TNFSF12: variants seen among roughly 807,000 people sequenced by gnomAD.
The protein encoded by TNFSF12 is TNF superfamily member 12, also known as tumor necrosis factor ligand superfamily member 12.
In TNFSF12, 16 loss-of-function variants were observed where a neutral mutation model predicts 31.2. The ratio of observed to expected loss-of-function variants is 0.51; its 90% CI spans 0.35 to 0.78. The LOEUF (loss-of-function observed/expected upper bound fraction) is 0.78. Ranked by LOEUF, TNFSF12 falls within the 30% of genes least tolerant of loss-of-function variation. TNFSF12 has a pLI of 0.01. For synonymous variants in TNFSF12, 150 were observed against 151.4 expected, an observed-to-expected ratio of 0.99 and a Z score of 0.07; for missense variants, 324 against 338.8, an observed-to-expected ratio of 0.96 and a Z score of 0.34.
At position 7,550,831 on chromosome 17, in the gene TNFSF12, G is replaced by A. The variant is rs771643936; in HGVS notation, c.316G>A (p.Ala106Thr). 3 of 1,612,424 alleles carry A rather than the reference G, an allele frequency of 1.9e-6. No homozygotes were observed. Among genetic ancestry groups the A allele is most frequent in the Admixed American group, 1.7e-5 (1 of 59,980 alleles). Reference protein sequence around the residue: ...PKGRKTRARRAIAAHYEVHPR... With the variant: ...PKGRKTRARRTIAAHYEVHPR... ...AGGCCGGAAAACACGGGCTCGAAGA[G>A]CGATCGCAGCCCATTATGAAGGTGG... Residue 106 changes from alanine (A) to threonine (T), a missense_variant, in exon 4 of 7, where the codon GCG becomes ACG. By Grantham distance (58) the Ala-to-Thr change is moderately conservative. Coordinates refer to ENST00000293825, the MANE Select transcript of TNFSF12 (RefSeq NM_003809.3). The surrounding 1 kb of genome is among the most constrained non-coding windows in gnomAD (Gnocchi z 4.4).
At chr17:7,556,003 CAG>C (rs2071061115) in intron 5 of TNFSF12, among the ~76,000 whole-genome samples, 1 of 20,444 alleles carries the variant, frequency 4.9e-5, no homozygotes. Context: ...TTTTTGGAGA[CAG>C]AGTCTAGCTC....
chr17:7,553,705 G>C, intron 5 of TNFSF12: 1 of 1,298,698 alleles, frequency 7.7e-7, no homozygotes, highest in Non-Finnish European at 1.0e-6. Context: ...GAGGTGGCTG[G>C]TGCAGGGGTG....
chr17:7,554,062 T>C (rs1239611486), intron 5 of TNFSF12, among the ~76,000 whole-genome samples: 1 of 152,194 alleles, frequency 6.6e-6, no homozygotes, highest in African/African-American at 2.4e-5. Flanking sequence ...CCCTCCGTGC[T>C]CCTGGGCACA....
At position 7,557,126 on chromosome 17, in the gene TNFSF12, T is replaced by C; in HGVS notation, c.526T>C (p.Tyr176His). ...QVHFDEGKAV[Y>H]LKLDLLVDGV... ...GCACTTTGATGAGGGGAAGGCTGTC[T>C]ACCTGAAGCTGGACTTGCTGGTGGA... is the stretch of plus-strand genomic sequence containing the variant. The change falls in exon 7 of 7, where the codon TAC (tyrosine) becomes CAC (histidine). Residue 176 changes from tyrosine to histidine, a missense_variant. By Grantham distance (83) the Tyr-to-His change is moderately conservative. Coordinates refer to ENST00000293825, the MANE Select transcript of TNFSF12 (RefSeq NM_003809.3). This position sits in a 1 kb window ranked among gnomAD's most constrained non-coding sequence, Gnocchi z 5.2. 1.2e-6 allele frequency: 2 copies of C among 1,613,608 alleles called. No homozygotes were observed. The highest frequency in any genetic ancestry group is 8.5e-7 in the Non-Finnish European group (1 of 1,179,794).
chr17:7,553,846 G>A, intron 5 of TNFSF12: 1 of 1,107,734 alleles, frequency 9.0e-7, no homozygotes, highest in Non-Finnish European at 1.1e-6. Context: ...AGATTTGCTG[G>A]GGGGAGATGA....
At chr17:7,554,838 C>G (rs902565684) in intron 5 of TNFSF12, among the ~76,000 whole-genome samples, 1 of 151,444 alleles carries the variant, frequency 6.6e-6, no homozygotes, top group Non-Finnish European at 1.5e-5. Context: ...AGGAGCGTCT[C>G]GATCTCCTGA....
Position 7,549,375 on chromosome 17 carries a change from TG to T in TNFSF12, c.159+68del. On this transcript the variant is annotated intron_variant, in intron 1 of 6. Transcript: ENST00000293825. The surrounding 1 kb of genome is among the most constrained non-coding windows in gnomAD (Gnocchi z 4.1). ...GGAGCTGAGACTGCAGAGGGGCCGCTGGGGGCCGCGTGGGCTGAAGGCAAGG... is the reference window on the plus strand; with the variant it reads ...GGAGCTGAGACTGCAGAGGGGCCGCTGGGGCCGCGTGGGCTGAAGGCAAGG... The T allele has an allele frequency of 7.1e-7, 1 of 1,411,762 alleles. No individual in the cohort carries two copies. Among genetic ancestry groups the T allele is most frequent in the Non-Finnish European group, 9.3e-7 (1 of 1,069,978 alleles). The allele number at this position is 1,411,762 out of a possible 1,614,324, so 87.5% of individuals were successfully genotyped here. A position where few individuals can be genotyped will look rare whatever the true frequency, so the allele number is the denominator to read the frequency against.
Position 7,550,977 on chromosome 17 carries a change from A to T in TNFSF12, c.372A>T (p.Ala124=). 6.2e-7 allele frequency: 1 copy of T among 1,613,786 alleles called. No individual in the cohort carries two copies. Among genetic ancestry groups the T allele is most frequent in the South Asian group, 1.1e-5 (1 of 91,058 alleles). ...GACCTGGACAGGACGGAGCGCAGGC[A>T]GGTGAGACCCCATCCCCCGACACAG... ...HPRPGQDGAQ[A]GVDGTVSGWE... The change falls in exon 5 of 7, where the codon GCA becomes GCT. Residue 124 remains alanine (A), a splice_region_variant and synonymous_variant. Coordinates refer to ENST00000293825, the MANE Select transcript of TNFSF12 (RefSeq NM_003809.3). This position sits in a 1 kb window ranked among gnomAD's most constrained non-coding sequence, Gnocchi z 4.4.
intron 5 of TNFSF12, among the ~76,000 whole-genome samples, chr17:7,556,372 A>G (rs193044323): frequency 1.1e-4 from 17 of 152,336 alleles, no homozygotes; most frequent in African/African-American, 4.1e-4. Context: ...ATATGGATAG[A>G]CATTTTGTTG....
chr17:7,549,954 T>C lies in TNFSF12; in HGVS notation c.208-166T>C. The C allele has an allele frequency of 1.1e-6, 1 of 950,234 alleles. No individual in the cohort carries two copies. Among genetic ancestry groups the C allele is most frequent in the African/African-American group, 1.6e-5 (1 of 60,872 alleles). The allele number at this position is 950,234 out of a possible 1,614,324, so 58.9% of individuals were successfully genotyped here. A position where few individuals can be genotyped will look rare whatever the true frequency, so the allele number is the denominator to read the frequency against. ...GAAAGGGTGAGGACTGGGGCCTGAC[T>C]CCCAGCTTCACCTTTGCCCGGGGCC... On this transcript the variant is annotated intron_variant, in intron 2 of 6. Transcript: ENST00000293825. The surrounding 1 kb of genome is among the most constrained non-coding windows in gnomAD (Gnocchi z 4.1).
Position 7,550,951 on chromosome 17 carries a change from C to T in TNFSF12, c.346C>T (p.Arg116Ter), listed in dbSNP as rs1048031818. ...AIAAHYEVHP[R>*]PGQDGAQAGV... is the part of the protein sequence containing the mutation. The stretch of plus-strand genomic sequence containing the variant: ...TTTCCTGTACTTTACAGTTCATCCA[C>T]GACCTGGACAGGACGGAGCGCAGGC... The change falls in exon 5 of 7, where the codon CGA becomes TGA. Residue 116 changes from arginine to a stop codon, truncating the protein, a stop_gained. Coordinates refer to ENST00000293825, the MANE Select transcript of TNFSF12 (RefSeq NM_003809.3). LOFTEE classifies it high-confidence loss of function. The surrounding 1 kb of genome is among the most constrained non-coding windows in gnomAD (Gnocchi z 4.4). The T allele has an allele frequency of 3.7e-6, 6 of 1,614,000 alleles. No homozygotes were observed. The highest frequency in any genetic ancestry group is 1.1e-5 in the South Asian group (1 of 91,084).
At chr17:7,552,823 A>C (rs536840588) in intron 5 of TNFSF12, among the ~76,000 whole-genome samples, 63 of 152,248 alleles carry the variant, frequency 4.1e-4, no homozygotes, top group Non-Finnish European at 8.2e-4. Context: ...CCACTGTTTC[A>C]AGGAGGATGT....
In TNFSF12 at chr17:7,549,706, G is replaced by T; in HGVS notation, c.207+185G>T. On this transcript the variant is annotated intron_variant, in intron 2 of 6. Transcript: ENST00000293825. The surrounding 1 kb of genome is among the most constrained non-coding windows in gnomAD (Gnocchi z 4.1). ...GCGTGGTGACAACTCTGTGTGAGGG[G>T]TTTGTGCTGGGGTTGTGCCACCTGA... is the stretch of plus-strand genomic sequence containing the variant. 1 of 1,043,986 alleles carries T rather than the reference G, an allele frequency of 9.6e-7. No homozygotes were observed. The highest frequency in any genetic ancestry group is 1.3e-6 in the Non-Finnish European group (1 of 749,734). 64.7% of individuals were successfully genotyped at this position (1,043,986 alleles called of 1,614,324 possible).
intron 5 of TNFSF12, among the ~76,000 whole-genome samples, chr17:7,555,945 T>C (rs2071056012): frequency 1.4e-5 from 2 of 142,180 alleles, no homozygotes; most frequent in African/African-American, 5.1e-5. Flanking sequence ...TGGGAACCCA[T>C]TGGTGGAAAT....
chr17:7,552,968 G>A (rs919156034), intron 5 of TNFSF12, among the ~76,000 whole-genome samples: 7 of 149,640 alleles, frequency 4.7e-5, no homozygotes, highest in African/African-American at 1.7e-4. Flanking sequence ...CAGGAAGGCA[G>A]TGTGCATTGG....
Position 7,550,908 on chromosome 17 carries a change from G to A in TNFSF12, c.338-35G>A. ...AGAGGGGCAGGTGGCAGAGGGTCAG[G>A]GCAGGTCTCACCAGCCTTTTCCTGT... On this transcript the variant is annotated intron_variant, in intron 4 of 6. Transcript: ENST00000293825. The surrounding 1 kb of genome is among the most constrained non-coding windows in gnomAD (Gnocchi z 4.4). 1.2e-6 allele frequency: 2 copies of A among 1,614,096 alleles called. No homozygotes were observed. Among genetic ancestry groups the A allele is most frequent in the Non-Finnish European group, 1.7e-6 (2 of 1,180,004 alleles).
chr17:7,554,628 T>G (rs1468044904), intron 5 of TNFSF12, among the ~76,000 whole-genome samples: 2 of 148,236 alleles, frequency 1.3e-5, no homozygotes, highest in South Asian at 4.3e-4. Context: ...CAGACCCATT[T>G]TTTTTTTTGA....
Position 7,555,470 on chromosome 17 carries a change from G to A in TNFSF12, c.374-1308G>A, listed in dbSNP as rs1418187374. The stretch of plus-strand genomic sequence containing the variant: ...GATGGGGATGAGGCTGGAGACAGAA[G>A]CCAGGCCACACGGTGGCATGTGGGA... On this transcript the variant is annotated intron_variant, in intron 5 of 6. Coordinates refer to ENST00000293825, the MANE Select transcript of TNFSF12 (RefSeq NM_003809.3). Among the ~76,000 whole-genome samples, 5 of 152,320 alleles carry A rather than the reference G, an allele frequency of 3.3e-5. No homozygotes were observed. In the East Asian group the frequency reaches 9.6e-4, roughly 29 times the overall value.
At chr17:7,551,309 G>T (rs1309229298) in intron 5 of TNFSF12, among the ~76,000 whole-genome samples, 2 of 151,900 alleles carry the variant, frequency 1.3e-5, no homozygotes, top group African/African-American at 4.8e-5. Context: ...GCTAGTGTCT[G>T]CTCATCTTTT....
Sources: gnomAD v4.1 joint callset for allele counts (sites outside exome capture counted in the v4.1 genomes callset) on GRCh38, gnomAD v4.1.1 for gene constraint, Gnocchi (gnomAD v3.1) non-coding constraint, MANE v1.5 for transcripts, NCBI Gene and HGNC (gene_info 2026-07-23, HGNC 2026-07-21) for gene names.